Variants in TNS1 observed in about 807,000 individuals in gnomAD.
The protein encoded by TNS1 is tensin 1, also known as tensin-1.
In TNS1, 62 loss-of-function variants were observed where a neutral mutation model predicts 168.6. That is an observed-to-expected ratio of 0.37 (90% CI 0.30 to 0.45). The LOEUF (loss-of-function observed/expected upper bound fraction) is 0.45. TNS1 is among the 20% of genes least tolerant of loss of function. The probability of loss-of-function intolerance (pLI) is 1.00; values close to 1 mark genes in which losing one functional copy is unlikely to be tolerated. For missense variants in TNS1, 2,240 were observed against 2,339.4 expected (o/e 0.96, Z 0.88); for synonymous variants, 934 against 933.2 (o/e 1.00, Z -0.02).
Position 218,002,936 on chromosome 2 carries a change from C to A in TNS1, c.-64G>T. 1 of 456,452 alleles carries A rather than the reference C, an allele frequency of 2.2e-6. No homozygotes were observed. 28.3% of individuals were successfully genotyped at this position (456,452 alleles called of 1,614,324 possible). A position where few individuals can be genotyped will look rare whatever the true frequency, so the allele number is the denominator to read the frequency against. The stretch of plus-strand genomic sequence containing the variant: ...GTGAAGAGCCCCTGAAGCTAGAGTC[C>A]CCGCGGCGCTGGCAGAAGGGCTCTC... On this transcript the variant is annotated 5_prime_UTR_variant, in exon 1 of 33. The change creates a premature stop within an existing upstream ORF in the 5' untranslated region. Coordinates refer to ENST00000682258, the MANE Select transcript of TNS1 (RefSeq NM_001387777.1).
At chr2:217,980,506 CAGAG>C (rs3842558) in intron 2 of TNS1, among the ~76,000 whole-genome samples, 1,807 of 117,454 alleles carry the variant, frequency 0.015, 14 homozygotes, top group African/African-American at 0.037. Flanking sequence ...TACACACACA[CAGAG>C]AGAGAGAGAG....
chr2:217,959,573 C>A (rs1334660398), intron 3 of TNS1, among the ~76,000 whole-genome samples: 2 of 151,684 alleles, frequency 1.3e-5, no homozygotes, highest in Non-Finnish European at 2.9e-5. Flanking sequence ...TAGCATGGAA[C>A]CCTAGCCTGG....
chr2:217,848,392 C>T lies in TNS1; in HGVS notation c.2125G>A (p.Ala709Thr). Residue 709 changes from alanine (A) to threonine (T), a missense_variant, in exon 19 of 33, where the codon GCA becomes ACA. Ala to Thr is a moderately conservative substitution (Grantham distance 58). This residue lies in a region of TNS1 where 2,131 missense variants were observed against 2,171.2 expected (regional missense o/e 0.98). Coordinates refer to ENST00000682258, the MANE Select transcript of TNS1 (RefSeq NM_001387777.1). ...HTAPMRPSYS[A>T]QEGLAGYQRE... ...TGGTAGCCAGCTAAACCCTCCTGTG[C>T]AGAGTAGGAGGGCCGCATGGGGGCC... 1 of 1,572,158 alleles carries T rather than the reference C, an allele frequency of 6.4e-7. No homozygotes were observed.
At chr2:217,832,937 AAC>A (rs143114343) in intron 21 of TNS1, among the ~76,000 whole-genome samples, 11 of 150,172 alleles carry the variant, frequency 7.3e-5, no homozygotes, top group Admixed American at 2.6e-4. Flanking sequence ...CACACACACA[AAC>A]ACACACACAC....
intron 18 of TNS1, among the ~76,000 whole-genome samples, chr2:217,857,838 C>G (rs1044737542): frequency 6.6e-6 from 1 of 152,152 alleles, no homozygotes; most frequent in Non-Finnish European, 1.5e-5. Context: ...TCAGCCTATA[C>G]GGGCAGCAGA....
intron 19 of TNS1, 125 bp from the exon 20 acceptor site, chr2:217,836,336 TC>T: frequency 1.1e-6 from 1 of 914,480 alleles, no homozygotes; most frequent in Admixed American, 2.8e-5. Context: ...TCGCCTGTCA[TC>T]CCCCATTGTC....
rs146268083 is a variant in TNS1, at chr2:217,995,090, A to G, written c.34-4034T>C. 6.6e-6 allele frequency among the ~76,000 whole-genome samples: 1 copy of G among 152,196 alleles called. No homozygotes were observed. The highest frequency in any genetic ancestry group is 1.5e-5 in the Non-Finnish European group (1 of 67,992). On this transcript the variant is annotated intron_variant, in intron 1 of 32. Coordinates refer to ENST00000682258, the MANE Select transcript of TNS1 (RefSeq NM_001387777.1). This position sits in a 1 kb window ranked among gnomAD's most constrained non-coding sequence, Gnocchi z 4.1. ...GGGGTGGGACTTGCAGATGATTCAG[A>G]GAGTGGAATGAATGAGGAGACATCA...
intron 30 of TNS1, among the ~76,000 whole-genome samples, chr2:217,809,424 G>C (rs1574551905): frequency 5.2e-5 from 6 of 114,964 alleles, no homozygotes; most frequent in Admixed American, 8.6e-5. Context: ...TGCATGGATG[G>C]ATGGATGGAT....
intron 1 of TNS1, among the ~76,000 whole-genome samples, chr2:217,992,121 G>A (rs1342394920): frequency 6.6e-6 from 1 of 151,828 alleles, no homozygotes; most frequent in African/African-American, 2.4e-5. Flanking sequence ...GGGCCCCACT[G>A]CGGGGCAGGG....
At chr2:217,930,177 G>T (rs1477398938) in intron 3 of TNS1, among the ~76,000 whole-genome samples, 1 of 152,196 alleles carries the variant, frequency 6.6e-6, no homozygotes, top group African/African-American at 2.4e-5. Context: ...CTGAGCTAGG[G>T]GCTATCAGTC....
At chr2:218,023,980 T>C (rs1006626285) in intron 1 of TNS1, among the ~76,000 whole-genome samples, 1 of 152,062 alleles carries the variant, frequency 6.6e-6, no homozygotes, top group African/African-American at 2.4e-5. Context: ...GAGGACAGAG[T>C]GCAGGCAGGT....
chr2:217,873,295 G>A (rs533235395), intron 18 of TNS1, among the ~76,000 whole-genome samples: 2 of 152,336 alleles, frequency 1.3e-5, no homozygotes, highest in East Asian at 3.9e-4. Context: ...CATATCAAAG[G>A]TGTAAAAAGA....
chr2:217,876,252 G>A (rs760088353), intron 18 of TNS1, among the ~76,000 whole-genome samples: 25 of 152,110 alleles, frequency 1.6e-4, no homozygotes, highest in African/African-American at 2.9e-4. Context: ...GGCTTGCCCC[G>A]GAACACTATG....
intron 12 of TNS1, among the ~76,000 whole-genome samples, chr2:217,888,900 A>G (rs889085412): frequency 1.3e-5 from 2 of 152,208 alleles, no homozygotes; most frequent in African/African-American, 2.4e-5. Context: ...GAGAGGTGAC[A>G]CTGATCCCTG....
chr2:217,960,444 G>A (rs1052010453), intron 3 of TNS1, among the ~76,000 whole-genome samples: 1 of 152,154 alleles, frequency 6.6e-6, no homozygotes, highest in Non-Finnish European at 1.5e-5. Context: ...TTGGGAACAT[G>A]GCCAGGTCTA....
chr2:217,946,070 C>T (rs917232572), intron 3 of TNS1, among the ~76,000 whole-genome samples: 9 of 152,220 alleles, frequency 5.9e-5, no homozygotes, highest in Non-Finnish European at 1.2e-4. Context: ...ACTTCCAGTC[C>T]AAGCTCTGCA....
At chr2:217,826,058 C>T (rs543378029) in intron 22 of TNS1, among the ~76,000 whole-genome samples, 9 of 152,256 alleles carry the variant, frequency 5.9e-5, no homozygotes, top group East Asian at 3.9e-4. Context: ...CTGCCCTCAC[C>T]GGGCCCCCAC....
intron 7 of TNS1, among the ~76,000 whole-genome samples, chr2:217,899,451 G>T (rs1412458025): frequency 6.6e-6 from 1 of 152,172 alleles, no homozygotes; most frequent in Non-Finnish European, 1.5e-5. Context: ...GCAAGCAAGT[G>T]GGTGTGAGGG....
At chr2:217,956,871 C>A (rs769739092) in intron 3 of TNS1, among the ~76,000 whole-genome samples, 4 of 152,152 alleles carry the variant, frequency 2.6e-5, no homozygotes, top group Non-Finnish European at 5.9e-5. Flanking sequence ...ACAATAAGAC[C>A]AGCCAGTCAA....
Sources: allele counts gnomAD v4.1 joint callset (sites outside exome capture counted in the v4.1 genomes callset), GRCh38; gene constraint gnomAD v4.1.1; regional missense constraint gnomAD v4.1.1; non-coding constraint Gnocchi (gnomAD v3.1); transcripts MANE v1.5; gene names NCBI Gene and HGNC (gene_info 2026-07-23, HGNC 2026-07-21).